Variants in ARID5B observed in about 807,000 individuals in gnomAD.
The protein encoded by ARID5B is AT-rich interaction domain 5B.
In ARID5B, 13 loss-of-function variants were observed where a neutral mutation model predicts 97.2. The observed-to-expected ratio is 0.13, with a 90% CI of 0.09 to 0.21. The LOEUF is 0.21. ARID5B is among the 10% of genes least tolerant of loss of function. The pLI is 1.00. For missense variants in ARID5B, 1,210 were observed against 1,465.3 expected, an observed-to-expected ratio of 0.83 and a Z score of 2.84; for synonymous variants, 556 against 570.3, an observed-to-expected ratio of 0.97 and a Z score of 0.36.
intron 3 of ARID5B, among the ~76,000 whole-genome samples, chr10:61,974,917 G>C (rs1243927254): frequency 1.3e-5 from 2 of 150,820 alleles, no homozygotes; most frequent in African/African-American, 5.0e-5. Context: ...AATTAGCCTG[G>C]GGTCTCGGGG....
chr10:61,983,911 C>T (rs1319590964), intron 3 of ARID5B, among the ~76,000 whole-genome samples: 1 of 15,068 alleles, frequency 6.6e-5, no homozygotes, highest in Non-Finnish European at 1.3e-4. Context: ...GACGGAGTCT[C>T]GCTCTGTCGC....
intron 4 of ARID5B, among the ~76,000 whole-genome samples, chr10:62,014,852 C>T (rs532695930): frequency 2.6e-5 from 4 of 152,270 alleles, no homozygotes; most frequent in African/African-American, 9.6e-5. Context: ...CAGGCAAATA[C>T]AGAACATTCT....
chr10:62,028,852 T>C (rs1236854304), intron 4 of ARID5B, among the ~76,000 whole-genome samples: 2 of 151,922 alleles, frequency 1.3e-5, no homozygotes, highest in African/African-American at 2.4e-5. Flanking sequence ...TCCCAGCTAC[T>C]TGGGAGGCTG....
chr10:61,915,724 T>C (rs1843889999), intron 2 of ARID5B, among the ~76,000 whole-genome samples: 1 of 152,178 alleles, frequency 6.6e-6, no homozygotes, highest in Non-Finnish European at 1.5e-5. Flanking sequence ...AGGCCAACTC[T>C]GGTCTACTAT....
intron 3 of ARID5B, among the ~76,000 whole-genome samples, chr10:61,949,930 A>G (rs1838299343): frequency 6.6e-6 from 1 of 152,188 alleles, no homozygotes; most frequent in Non-Finnish European, 1.5e-5. Context: ...AGATTGCCAA[A>G]CTTAGACCAG....
chr10:61,919,600 C>A (rs12768290), intron 2 of ARID5B, among the ~76,000 whole-genome samples: 13 of 152,220 alleles, frequency 8.5e-5, no homozygotes, highest in Non-Finnish European at 1.5e-4. Context: ...GAAAACACTG[C>A]TGTAGTACTC....
intron 4 of ARID5B, among the ~76,000 whole-genome samples, chr10:62,006,775 G>A (rs1020788826): frequency 2.0e-5 from 3 of 152,198 alleles, no homozygotes; most frequent in African/African-American, 7.2e-5. Flanking sequence ...TTAATTTACA[G>A]TCATAATATA....
chr10:62,011,670 A>G (rs938827493), intron 4 of ARID5B, among the ~76,000 whole-genome samples: 1 of 152,222 alleles, frequency 6.6e-6, no homozygotes, highest in Non-Finnish European at 1.5e-5. Context: ...CATACTTTTC[A>G]GAGCACCTCC....
At chr10:61,931,220 A>T (rs1844204820) in intron 2 of ARID5B, among the ~76,000 whole-genome samples, 1 of 152,182 alleles carries the variant, frequency 6.6e-6, no homozygotes. Flanking sequence ...TGTAGGTTAT[A>T]CCTACTGATA....
chr10:61,933,134 TTATGTCAAG>T (rs1413306414), intron 2 of ARID5B, among the ~76,000 whole-genome samples: 1 of 152,182 alleles, frequency 6.6e-6, no homozygotes, highest in Non-Finnish European at 1.5e-5. Flanking sequence ...ACAGTAGATT[TTATGTCAAG>T]AAACCCCTTT....
At chr10:61,973,321 T>C (rs1838655419) in intron 3 of ARID5B, among the ~76,000 whole-genome samples, 1 of 152,210 alleles carries the variant, frequency 6.6e-6, no homozygotes. Context: ...TGAGACCCTC[T>C]GTGAAAGGGT....
At chr10:62,050,109 A>C (rs1037489321) in intron 4 of ARID5B, among the ~76,000 whole-genome samples, 12 of 151,348 alleles carry the variant, frequency 7.9e-5, no homozygotes, top group African/African-American at 2.9e-4. Flanking sequence ...GCTCAGCATC[A>C]AGGATGAAAT....
At chr10:62,024,248 T>A (rs1839391622) in intron 4 of ARID5B, among the ~76,000 whole-genome samples, 2 of 152,234 alleles carry the variant, frequency 1.3e-5, no homozygotes, top group Admixed American at 6.5e-5. Flanking sequence ...ATGTGACTAG[T>A]AAGCAAGTAA....
chr10:62,038,783 T>A (rs1839597083), intron 4 of ARID5B, among the ~76,000 whole-genome samples: 1 of 152,188 alleles, frequency 6.6e-6, no homozygotes. Flanking sequence ...AACTCTTTTG[T>A]TAGTTTCTGC....
chr10:62,031,088 G>A (rs967201840), intron 4 of ARID5B, among the ~76,000 whole-genome samples: 1 of 152,190 alleles, frequency 6.6e-6, no homozygotes, highest in Non-Finnish European at 1.5e-5. Context: ...ACAAAAATTA[G>A]CCTGTCACGG....
intron 4 of ARID5B, chr10:62,046,534 G>A (rs114989289): frequency 6.6e-6 from 1 of 152,184 alleles, no homozygotes; most frequent in Non-Finnish European, 1.5e-5. Context: ...AACAAACATG[G>A]GTTAGCTGTC....
chr10:61,972,556 A>G (rs75872811), intron 3 of ARID5B, among the ~76,000 whole-genome samples: 6,863 of 152,076 alleles, frequency 0.045, 234 homozygotes, highest in East Asian at 0.15. Flanking sequence ...AACACTTAAT[A>G]TGCTCTTTCA....
rs115486218 is a variant in ARID5B at position 61,938,752 on chromosome 10, T to C, written c.277-1431T>C. Among the ~76,000 whole-genome samples the C allele has an allele frequency of 8.8e-3, 1,347 of 152,272 alleles. 13 individuals carry two copies. Among genetic ancestry groups the C allele is most frequent in the African/African-American group, 0.031 (1,275 of 41,546 alleles). The stretch of plus-strand genomic sequence containing the variant: ...ATCATGATAAGGGAAAGGATTCCAT[T>C]ACTAAAGTTTTACTTTTCATTTTTG... On this transcript the variant is annotated intron_variant, in intron 2 of 9. Transcript: ENST00000279873.
intron 3 of ARID5B, among the ~76,000 whole-genome samples, chr10:61,976,523 C>T (rs912716328): frequency 4.6e-5 from 7 of 152,138 alleles, no homozygotes; most frequent in Non-Finnish European, 7.4e-5. Flanking sequence ...TGGAAAAAAG[C>T]AGATGGATTG....
Sources: gnomAD v4.1 joint callset for allele counts (sites outside exome capture counted in the v4.1 genomes callset) on GRCh38, gnomAD v4.1.1 for gene constraint, MANE v1.5 for transcripts, NCBI Gene and HGNC (gene_info 2026-07-23, HGNC 2026-07-21) for gene names.